PEMT: variants seen among roughly 807,000 people sequenced by gnomAD.
PEMT encodes the protein phospholipid methyltransferase.
PEMT carries 23 observed loss-of-function variants against 27.4 expected under a neutral mutation model. The ratio of observed to expected loss-of-function variants is 0.84; its 90% confidence interval spans 0.60 to 1.19. PEMT has a LOEUF of 1.19. PEMT is among the 50% of genes most tolerant of loss of function. The probability of loss-of-function intolerance (pLI) is 0.00; values close to 1 mark genes in which losing one functional copy is unlikely to be tolerated. For missense variants in PEMT, 307 were observed against 310.1 expected (o/e 0.99, Z 0.07); for synonymous variants, 137 against 139.1 (o/e 0.98, Z 0.11).
At chr17:17,549,006 C>T (rs1228979583) in intron 2 of PEMT, among the ~76,000 whole-genome samples, 1 of 152,034 alleles carries the variant, frequency 6.6e-6, no homozygotes, top group East Asian at 1.9e-4. Flanking sequence ...TCTGCAGTGA[C>T]AAGCAGCCAT....
chr17:17,543,848 C>T (rs564383987), intron 2 of PEMT, among the ~76,000 whole-genome samples: 25 of 152,246 alleles, frequency 1.6e-4, no homozygotes, highest in Non-Finnish European at 3.1e-4. Context: ...CGGGCGTGAG[C>T]CACGGCGCCC....
chr17:17,516,843 C>A (rs967612223), intron 3 of PEMT, among the ~76,000 whole-genome samples: 3 of 152,156 alleles, frequency 2.0e-5, no homozygotes, highest in African/African-American at 4.8e-5. Flanking sequence ...AGTGTCCCCC[C>A]ACCCCTTACT....
chr17:17,555,903 AG>A (rs908714904), intron 2 of PEMT, among the ~76,000 whole-genome samples: 14 of 152,340 alleles, frequency 9.2e-5, no homozygotes, highest in Admixed American at 7.2e-4. Context: ...CTTCTCCTCC[AG>A]GTCTCCCTCT....
chr17:17,583,124 C>T (rs1912068234), intron 1 of PEMT, among the ~76,000 whole-genome samples: 1 of 151,674 alleles, frequency 6.6e-6, no homozygotes, highest in South Asian at 2.1e-4. Context: ...GCCTGTAATC[C>T]CAGCATTCTG....
At chr17:17,591,953 A>C (rs1912613091), upstream of PEMT, 1 of 985,096 alleles carries the variant, frequency 1.0e-6, no homozygotes, top group Admixed American at 6.1e-5. Flanking sequence ...GCCGCACCCG[A>C]GCCTGTAACT....
At chr17:17,568,797 G>A (rs71367408) in intron 2 of PEMT, among the ~76,000 whole-genome samples, 4 of 152,172 alleles carry the variant, frequency 2.6e-5, no homozygotes, top group African/African-American at 9.7e-5. Flanking sequence ...AGGTGACTGA[G>A]GTGAGGCAGG....
At chr17:17,508,984 G>A (rs1339702418) in intron 5 of PEMT, 1 of 280,098 alleles carries the variant, frequency 3.6e-6, no homozygotes, top group Non-Finnish European at 7.1e-6. Flanking sequence ...ACGGCCTAGG[G>A]GCCAAGAACG....
At chr17:17,507,175 T>C (rs1293770342) in intron 5 of PEMT, 1 of 1,560,406 alleles carries the variant, frequency 6.4e-7, no homozygotes, top group Non-Finnish European at 8.7e-7. Flanking sequence ...TTACCTCTGA[T>C]CCCACAGCTC....
intron 1 of PEMT, among the ~76,000 whole-genome samples, chr17:17,586,289 A>AAAGAG (rs1491465188): frequency 9.4e-5 from 6 of 63,554 alleles, no homozygotes; most frequent in East Asian, 7.6e-4. Context: ...AGAAAGAAAG[A>AAAGAG]AAAAAAAAAA....
At chr17:17,547,566 T>C (rs1909346001) in intron 2 of PEMT, among the ~76,000 whole-genome samples, 1 of 152,176 alleles carries the variant, frequency 6.6e-6, no homozygotes, top group Non-Finnish European at 1.5e-5. Flanking sequence ...CAGAGAAGCA[T>C]TGTGTGCAAA....
chr17:17,508,738 T>C (rs544331848), intron 5 of PEMT: 5 of 466,458 alleles, frequency 1.1e-5, no homozygotes, highest in Non-Finnish European at 2.2e-5. Flanking sequence ...CACATCTCCA[T>C]ACCTTGTCAG....
intron 2 of PEMT, among the ~76,000 whole-genome samples, chr17:17,573,700 T>A (rs1315288745): frequency 6.6e-6 from 1 of 152,138 alleles, no homozygotes; most frequent in Non-Finnish European, 1.5e-5. Context: ...CTGGAACCAA[T>A]CTCCTATGGA....
chr17:17,519,366 C>G (rs181999282), intron 3 of PEMT, among the ~76,000 whole-genome samples: 5 of 152,348 alleles, frequency 3.3e-5, no homozygotes, highest in Admixed American at 1.3e-4. Context: ...GTGGCCAGTT[C>G]AACCAAAAGT....
At chr17:17,567,040 C>G (rs933075233) in intron 2 of PEMT, among the ~76,000 whole-genome samples, 1 of 152,206 alleles carries the variant, frequency 6.6e-6, no homozygotes, top group Admixed American at 6.5e-5. Flanking sequence ...TGTCCAATAG[C>G]CTTCATCATG....
chr17:17,539,270 T>A (rs899897501), intron 2 of PEMT, among the ~76,000 whole-genome samples: 7 of 152,184 alleles, frequency 4.6e-5, no homozygotes, highest in African/African-American at 1.7e-4. Context: ...TGTAAGCCAC[T>A]GTGCCCCAAC....
At chr17:17,511,085 A>G (rs893918209) in intron 4 of PEMT, among the ~76,000 whole-genome samples, 1 of 152,090 alleles carries the variant, frequency 6.6e-6, no homozygotes, top group Admixed American at 6.5e-5. Context: ...AGCCCCTTGG[A>G]TGGCCTTCAA....
intron 2 of PEMT, among the ~76,000 whole-genome samples, chr17:17,575,163 A>AG (rs1177207977): frequency 1.3e-5 from 2 of 152,060 alleles, no homozygotes; most frequent in Non-Finnish European, 2.9e-5. Flanking sequence ...TGCTTCTTCC[A>AG]GCTTCTGGTG....
chr17:17,527,025 A>G (rs1907718659), intron 2 of PEMT, among the ~76,000 whole-genome samples: 1 of 152,044 alleles, frequency 6.6e-6, no homozygotes, highest in Non-Finnish European at 1.5e-5. Flanking sequence ...GGCCGCAGAA[A>G]GTCGAGTTTT....
chr17:17,517,442 G>A lies in PEMT; in HGVS notation c.321-4788C>T, dbSNP rs576713551. ...TCCATTGCTCCATCGGAAGCAAACT[G>A]TCCCATCAGCTCCATGCCCTCCCTC... On this transcript the variant is annotated intron_variant, in intron 3 of 6. Coordinates refer to ENST00000255389, the MANE Select transcript of PEMT (RefSeq NM_148172.3). Among the ~76,000 whole-genome samples the A allele has an allele frequency of 2.0e-5, 3 of 152,274 alleles. No homozygotes were observed. The South Asian group carries it at 6.2e-4, about 32-fold the overall frequency.
Sources: allele counts gnomAD v4.1 joint callset (sites outside exome capture counted in the v4.1 genomes callset), GRCh38; gene constraint gnomAD v4.1.1; transcripts MANE v1.5; gene names NCBI Gene and HGNC (gene_info 2026-07-23, HGNC 2026-07-21).